Variants in PREX1 observed in about 807,000 individuals in gnomAD.
The protein encoded by PREX1 is phosphatidylinositol 3,4,5-trisphosphate-dependent Rac exchanger 1 protein.
In PREX1, 41 loss-of-function variants were observed where a neutral mutation model predicts 198.3. The ratio of observed to expected loss-of-function variants is 0.21; its 90% CI spans 0.16 to 0.27. The LOEUF (loss-of-function observed/expected upper bound fraction) is 0.27, where lower values mean the gene tolerates loss of function less well. Among genes scored for constraint, PREX1 ranks in the 10% least tolerant of loss-of-function variants. The pLI is 1.00. For missense variants in PREX1, 1,620 were observed against 2,200.7 expected, an observed-to-expected ratio of 0.74 and a Z score of 5.28; for synonymous variants, 843 against 887.2, an observed-to-expected ratio of 0.95 and a Z score of 0.89.
intron 10 of PREX1, among the ~76,000 whole-genome samples, chr20:48,685,087 T>G (rs1418753441): frequency 1.3e-5 from 2 of 152,198 alleles, no homozygotes; most frequent in Admixed American, 1.3e-4. Flanking sequence ...TTCCCTTCTT[T>G]CTATCTGTCT....
chr20:48,888,111 T>C, the PREX1 span, among the ~76,000 whole-genome samples: 2 of 152,312 alleles, frequency 1.3e-5, no homozygotes, highest in South Asian at 4.1e-4. Context: ...GTTCCACATG[T>C]CTGGGGAATT....
chr20:48,769,566 C>T (rs1378805512), intron 1 of PREX1, among the ~76,000 whole-genome samples: 4 of 152,176 alleles, frequency 2.6e-5, no homozygotes, highest in South Asian at 2.1e-4. Flanking sequence ...TCACCTCCTA[C>T]GCAACTCCCT....
intron 1 of PREX1, among the ~76,000 whole-genome samples, chr20:48,758,848 C>G (rs531894149): frequency 6.6e-6 from 1 of 152,288 alleles, no homozygotes; most frequent in African/African-American, 2.4e-5. Context: ...TTCCTCACAG[C>G]ACCTGTCACC....
chr20:48,806,340 C>G (rs1406595039), intron 1 of PREX1, among the ~76,000 whole-genome samples: 1 of 152,130 alleles, frequency 6.6e-6, no homozygotes, highest in East Asian at 1.9e-4. Context: ...CACCTGCTAT[C>G]CTGATTCTCA....
In PREX1 at chr20:48,725,355, G is replaced by A. The variant is rs569918920; in HGVS notation, c.621+935C>T. ...TTTCCAAGGGCTGAAACCCTGGGCT[G>A]AGAGCAGTGGAAGGCGGAAGAGCCG... is the stretch of plus-strand genomic sequence containing the variant. On this transcript the variant is annotated intron_variant, in intron 5 of 39. Transcript: ENST00000371941. Among the ~76,000 whole-genome samples the A allele has an allele frequency of 2.0e-5, 3 of 152,348 alleles. No individual in the cohort carries two copies. The East Asian group carries it at 5.8e-4, about 29-fold the overall frequency.
intron 1 of PREX1, among the ~76,000 whole-genome samples, chr20:48,764,918 C>A (rs2090201690): frequency 1.3e-5 from 2 of 151,994 alleles, no homozygotes; most frequent in Admixed American, 1.3e-4. Flanking sequence ...AATGCAGGGG[C>A]CTCTGGAAGC....
chr20:48,821,126 C>T (rs1568654541), intron 1 of PREX1, among the ~76,000 whole-genome samples: 1 of 152,154 alleles, frequency 6.6e-6, no homozygotes, highest in East Asian at 1.9e-4. Context: ...CGCTTGAACC[C>T]GGGAGGCAGA....
chr20:48,793,105 T>C (rs1277706503), intron 1 of PREX1, among the ~76,000 whole-genome samples: 1 of 152,058 alleles, frequency 6.6e-6, no homozygotes, highest in Non-Finnish European at 1.5e-5. Flanking sequence ...CTTGGAAGGC[T>C]GAGGGGGGAG....
At chr20:48,797,925 A>C (rs888681019) in intron 1 of PREX1, among the ~76,000 whole-genome samples, 13 of 152,192 alleles carry the variant, frequency 8.5e-5, no homozygotes, top group African/African-American at 2.9e-4. Flanking sequence ...ACTTTCCCTA[A>C]GCTGCCTTCT....
At chr20:48,726,062 G>A (rs1156949676) in intron 5 of PREX1, among the ~76,000 whole-genome samples, 2 of 152,274 alleles carry the variant, frequency 1.3e-5, no homozygotes, top group East Asian at 3.9e-4. Flanking sequence ...TTAAACTTGA[G>A]AGGATGTGAG....
chr20:48,876,944 A>G, the PREX1 span, among the ~76,000 whole-genome samples: 1 of 152,152 alleles, frequency 6.6e-6, no homozygotes, highest in Non-Finnish European at 1.5e-5. Context: ...TGTAAGTATT[A>G]GCAACTCAGC....
the PREX1 span, among the ~76,000 whole-genome samples, chr20:48,863,721 G>A: frequency 6.6e-6 from 1 of 151,280 alleles, no homozygotes; most frequent in Non-Finnish European, 1.5e-5. Context: ...CTGAGTAGCT[G>A]GGACTACAGG....
At position 48,748,066 on chromosome 20, in the gene PREX1, A is replaced by G. The variant is rs183621565; in HGVS notation, c.220-186T>C. Reference sequence around the variant, plus strand: ...CCTTAAACACACTGGAGCAGCCCTCACTCCCACACGGTCACCAGGGGTGTG... The same window carrying G: ...CCTTAAACACACTGGAGCAGCCCTCGCTCCCACACGGTCACCAGGGGTGTG... On this transcript the variant is annotated intron_variant, in intron 1 of 39. Transcript: ENST00000371941. Among the ~76,000 whole-genome samples, 715 of 151,874 alleles carry G rather than the reference A, an allele frequency of 4.7e-3. 5 individuals are homozygous for G. The highest frequency in any genetic ancestry group is 8.1e-3 in the Non-Finnish European group (547 of 67,946).
At chr20:48,805,123 A>T (rs999503802) in intron 1 of PREX1, among the ~76,000 whole-genome samples, 1 of 152,246 alleles carries the variant, frequency 6.6e-6, no homozygotes, top group Admixed American at 6.5e-5. Flanking sequence ...CCGGGCTGCC[A>T]GTGCCCACCA....
At chr20:48,705,358 A>T (rs1237546553) in intron 6 of PREX1, among the ~76,000 whole-genome samples, 5 of 152,206 alleles carry the variant, frequency 3.3e-5, no homozygotes, top group Admixed American at 2.6e-4. Flanking sequence ...ATCAGGGGGT[A>T]AAAAACACAC....
chr20:48,692,118 G>A (rs917664029), intron 8 of PREX1, among the ~76,000 whole-genome samples: 2 of 152,086 alleles, frequency 1.3e-5, no homozygotes, highest in Admixed American at 1.3e-4. Context: ...TCAAATTCCT[G>A]GGCTCAAGCG....
the PREX1 span, among the ~76,000 whole-genome samples, chr20:48,883,684 AGT>A: frequency 6.6e-6 from 1 of 152,148 alleles, no homozygotes. Flanking sequence ...AATTTACAGA[AGT>A]ACAAAACTTA....
At chr20:48,634,291 G>A (rs2089344062) in intron 33 of PREX1, among the ~76,000 whole-genome samples, 1 of 152,166 alleles carries the variant, frequency 6.6e-6, no homozygotes, top group Non-Finnish European at 1.5e-5. Context: ...GAGAAAGCGT[G>A]GAGGAAGGAG....
the PREX1 span, among the ~76,000 whole-genome samples, chr20:48,845,051 T>C: frequency 6.6e-6 from 1 of 152,234 alleles, no homozygotes; most frequent in East Asian, 1.9e-4. Context: ...GGCATCGCCA[T>C]CTATGTGATT....
Sources: allele counts gnomAD v4.1 joint callset (sites outside exome capture counted in the v4.1 genomes callset), GRCh38; gene constraint gnomAD v4.1.1; transcripts MANE v1.5; gene names NCBI Gene and HGNC (gene_info 2026-07-23, HGNC 2026-07-21).